SEMA3E: variants seen among roughly 807,000 people sequenced by gnomAD.
The protein encoded by SEMA3E is semaphorin 3E.
Under a neutral mutation model 93.6 loss-of-function variants are expected in SEMA3E, and 49 were observed. The observed-to-expected ratio is 0.52, with a 90% CI of 0.42 to 0.66. The LOEUF is 0.66. SEMA3E is among the 30% of genes least tolerant of loss of function. The probability of loss-of-function intolerance (pLI) is 0.00; values close to 1 mark genes in which losing one functional copy is unlikely to be tolerated. For missense variants in SEMA3E, 906 were observed against 964.8 expected (o/e 0.94, Z 0.81); for synonymous variants, 363 against 330.7 (o/e 1.10, Z -1.06).
intron 4 of SEMA3E, among the ~76,000 whole-genome samples, chr7:83,463,194 C>T (rs1789668133): frequency 6.6e-6 from 1 of 151,278 alleles, no homozygotes; most frequent in Non-Finnish European, 1.5e-5. Context: ...CCTTTCCTTC[C>T]TAGGCATGGT....
intron 4 of SEMA3E, among the ~76,000 whole-genome samples, chr7:83,423,596 C>T (rs373857266): frequency 1.3e-5 from 2 of 151,542 alleles, no homozygotes; most frequent in South Asian, 2.1e-4. Flanking sequence ...CTCTGCCTCC[C>T]GGGTTCATGC....
In SEMA3E at chr7:83,412,431, G is replaced by A. The variant is rs554416462; in HGVS notation, c.551-3944C>T. 9.3e-4 allele frequency among the ~76,000 whole-genome samples: 141 copies of A among 152,088 alleles called. 1 individual carries two copies. The highest frequency in any genetic ancestry group is 3.4e-3 in the Middle Eastern group (1 of 294). Reference sequence around the variant, plus strand: ...GAAGTTCCTTTCAGGGTTTAAAAAAGGTTATGAAAGGCTGTGAAGTGTCAA... The same window carrying A: ...GAAGTTCCTTTCAGGGTTTAAAAAAAGTTATGAAAGGCTGTGAAGTGTCAA... On this transcript the variant is annotated intron_variant, in intron 5 of 16. Transcript: ENST00000643230.
intron 4 of SEMA3E, among the ~76,000 whole-genome samples, chr7:83,443,378 G>A (rs1442515546): frequency 6.6e-6 from 1 of 152,120 alleles, no homozygotes; most frequent in African/African-American, 2.4e-5. Context: ...CAATAACAAA[G>A]CATCAGTTAT....
intron 2 of SEMA3E, among the ~76,000 whole-genome samples, chr7:83,473,234 T>C (rs964516663): frequency 2.2e-4 from 34 of 152,156 alleles, no homozygotes; most frequent in Non-Finnish European, 4.3e-4. Context: ...TACAAACAGC[T>C]TCTTTCTCCT....
intron 1 of SEMA3E, among the ~76,000 whole-genome samples, chr7:83,549,198 T>C (rs1460764300): frequency 6.6e-6 from 1 of 152,172 alleles, no homozygotes; most frequent in Non-Finnish European, 1.5e-5. Flanking sequence ...TATACCAATT[T>C]ATATTTGTAT....
rs1262235611 is a variant in SEMA3E at position 83,384,662 on chromosome 7, G to T, written c.1875+632C>A. ...ACTCACATTCTTTTATCCAGTAACTGCCTCCTATTCTACACATGTGCTTTA... is the reference window on the plus strand; with the variant it reads ...ACTCACATTCTTTTATCCAGTAACTTCCTCCTATTCTACACATGTGCTTTA... On this transcript the variant is annotated intron_variant, in intron 16 of 16. Transcript: ENST00000643230. Among the ~76,000 whole-genome samples the T allele has an allele frequency of 2.0e-5, 3 of 151,788 alleles. 1 individual carries two copies. The South Asian group carries it at 6.2e-4, about 32-fold the overall frequency.
intron 4 of SEMA3E, among the ~76,000 whole-genome samples, chr7:83,459,408 T>C (rs1386041026): frequency 6.6e-6 from 1 of 152,174 alleles, no homozygotes; most frequent in Non-Finnish European, 1.5e-5. Flanking sequence ...ACTGAATTTG[T>C]TTCTAGCAGA....
At chr7:83,611,055 T>C (rs1276062570) in intron 1 of SEMA3E, among the ~76,000 whole-genome samples, 1 of 151,506 alleles carries the variant, frequency 6.6e-6, no homozygotes, top group Non-Finnish European at 1.5e-5. Flanking sequence ...GGATTTGCCA[T>C]TGCTTTCAAT....
chr7:83,434,221 A>C (rs28542400), intron 4 of SEMA3E, among the ~76,000 whole-genome samples: 1 of 152,140 alleles, frequency 6.6e-6, no homozygotes. Flanking sequence ...TGTTTCATAT[A>C]TTGCTCTTAC....
At chr7:83,447,937 T>A (rs1414947665) in intron 4 of SEMA3E, among the ~76,000 whole-genome samples, 3 of 152,244 alleles carry the variant, frequency 2.0e-5, no homozygotes, top group African/African-American at 7.2e-5. Flanking sequence ...TCCACTTTTC[T>A]ATCTTTCTCT....
intron 4 of SEMA3E, among the ~76,000 whole-genome samples, chr7:83,429,048 A>G (rs1431944132): frequency 6.6e-6 from 1 of 152,178 alleles, no homozygotes; most frequent in East Asian, 1.9e-4. Context: ...AATGTCATTT[A>G]TAAGGTACTT....
chr7:83,468,899 A>G (rs1789832997), intron 3 of SEMA3E, among the ~76,000 whole-genome samples: 1 of 152,216 alleles, frequency 6.6e-6, no homozygotes, highest in Non-Finnish European at 1.5e-5. Context: ...GAAATCTCAC[A>G]AAGAATGTGC....
intron 1 of SEMA3E, among the ~76,000 whole-genome samples, chr7:83,515,570 C>T (rs548980896): frequency 1.7e-4 from 26 of 152,238 alleles, no homozygotes; most frequent in African/African-American, 6.3e-4. Context: ...ATTGCCTATA[C>T]CATAATTAAT....
intron 4 of SEMA3E, among the ~76,000 whole-genome samples, chr7:83,439,331 C>T (rs967370371): frequency 3.3e-5 from 5 of 152,152 alleles, no homozygotes; most frequent in Admixed American, 6.6e-5. Flanking sequence ...AGGGAAAGGA[C>T]GCTTTCTCTA....
chr7:83,375,725 A>T (rs1794813585), intron 16 of SEMA3E, among the ~76,000 whole-genome samples: 1 of 152,060 alleles, frequency 6.6e-6, no homozygotes, highest in Non-Finnish European at 1.5e-5. Flanking sequence ...TGAGACTTAG[A>T]TCCATAACTG....
intron 1 of SEMA3E, among the ~76,000 whole-genome samples, chr7:83,587,811 G>C (rs1160540678): frequency 6.6e-6 from 1 of 151,692 alleles, no homozygotes; most frequent in African/African-American, 2.4e-5. Context: ...TCAGTGGCAA[G>C]ATATGCAACT....
At chr7:83,605,204 C>A (rs1376707864) in intron 1 of SEMA3E, among the ~76,000 whole-genome samples, 2 of 152,142 alleles carry the variant, frequency 1.3e-5, no homozygotes, top group Admixed American at 1.3e-4. Context: ...GAGGAATCAC[C>A]ACAATGTCTT....
At chr7:83,461,618 G>GT (rs1206844641) in intron 4 of SEMA3E, among the ~76,000 whole-genome samples, 2 of 151,828 alleles carry the variant, frequency 1.3e-5, no homozygotes. Context: ...TTCATGGCTC[G>GT]TTTGGCAGCA....
At chr7:83,430,777 T>C (rs1788864448) in intron 4 of SEMA3E, among the ~76,000 whole-genome samples, 1 of 152,148 alleles carries the variant, frequency 6.6e-6, no homozygotes, top group Admixed American at 6.5e-5. Flanking sequence ...CAAACCACCA[T>C]GGCACATGTA....
Sources: gnomAD v4.1 joint callset for allele counts (sites outside exome capture counted in the v4.1 genomes callset) on GRCh38, gnomAD v4.1.1 for gene constraint, MANE v1.5 for transcripts, NCBI Gene and HGNC (gene_info 2026-07-23, HGNC 2026-07-21) for gene names.